The following SSH2 variants were observed in gnomAD, a reference collection of about 807,000 sequenced individuals.
SSH2 encodes the protein protein phosphatase Slingshot homolog 2.
Under a neutral mutation model 135.2 loss-of-function variants are expected in SSH2, and 37 were observed. The observed-to-expected ratio is 0.27, with a 90% CI of 0.21 to 0.36. The LOEUF (loss-of-function observed/expected upper bound fraction) is 0.36. Ranked by LOEUF, SSH2 falls within the 10% of genes least tolerant of loss-of-function variation. The pLI, the probability that SSH2 is intolerant of heterozygous loss-of-function variation, is 1.00. For synonymous variants in SSH2, 628 were observed against 646.2 expected (o/e 0.97, Z 0.43); for missense variants, 1,408 against 1,765.3 (o/e 0.80, Z 3.63).
intron 2 of SSH2, among the ~76,000 whole-genome samples, chr17:29,820,077 G>T (rs2042626681): frequency 6.6e-6 from 1 of 151,860 alleles, no homozygotes; most frequent in Admixed American, 6.6e-5. Context: ...TTTGTTGTTT[G>T]CCATTTTTTC....
chr17:29,740,598 G>A (rs1387385513), intron 3 of SSH2, among the ~76,000 whole-genome samples: 1 of 151,958 alleles, frequency 6.6e-6, no homozygotes, highest in Non-Finnish European at 1.5e-5. Context: ...GATGGAAACT[G>A]GTTCAAGAAT....
chr17:29,706,409 C>T (rs984146457), intron 3 of SSH2, among the ~76,000 whole-genome samples: 3 of 152,140 alleles, frequency 2.0e-5, no homozygotes, highest in Admixed American at 1.3e-4. Context: ...GGTGGTGGTG[C>T]CTTGATTTTA....
chr17:29,722,178 G>A (rs2039843870), intron 3 of SSH2, among the ~76,000 whole-genome samples: 1 of 151,868 alleles, frequency 6.6e-6, no homozygotes, highest in African/African-American at 2.4e-5. Flanking sequence ...GGGAGGCTGA[G>A]GCAGAGAACT....
chr17:29,699,850 G>A (rs751419853), intron 4 of SSH2, among the ~76,000 whole-genome samples: 1 of 152,168 alleles, frequency 6.6e-6, no homozygotes, highest in Non-Finnish European at 1.5e-5. Flanking sequence ...TCCCCTACCC[G>A]ACCTCTGGTA....
intron 3 of SSH2, among the ~76,000 whole-genome samples, chr17:29,728,333 C>T (rs142048124): frequency 7.9e-5 from 12 of 152,172 alleles, no homozygotes; most frequent in South Asian, 2.1e-4. Flanking sequence ...TTAAATACCT[C>T]GGAATTAACC....
intron 2 of SSH2, among the ~76,000 whole-genome samples, chr17:29,798,151 C>T (rs142866633): frequency 1.3e-5 from 2 of 152,226 alleles, no homozygotes; most frequent in African/African-American, 4.8e-5. Flanking sequence ...TGCCTACCCT[C>T]TAGTCATGAA....
At chr17:29,824,999 A>G (rs1290207020) in intron 2 of SSH2, among the ~76,000 whole-genome samples, 1 of 152,184 alleles carries the variant, frequency 6.6e-6, no homozygotes, top group Admixed American at 6.5e-5. Context: ...AATGAAACCA[A>G]CATAGAAAAA....
chr17:29,873,174 A>G (rs757033381), intron 1 of SSH2, among the ~76,000 whole-genome samples: 1 of 152,166 alleles, frequency 6.6e-6, no homozygotes, highest in Non-Finnish European at 1.5e-5. Flanking sequence ...CTTACGGGTT[A>G]CCTAAAAAGC....
chr17:29,796,299 T>C (rs2042154702), intron 2 of SSH2, among the ~76,000 whole-genome samples: 1 of 152,356 alleles, frequency 6.6e-6, no homozygotes, highest in Middle Eastern at 3.4e-3. Context: ...AAAGATCTTA[T>C]AGCGAACTTG....
rs60441523 is a variant in SSH2, at chr17:29,752,852, A to AAC, written c.188+41041_188+41042insGT. On this transcript the variant is annotated intron_variant, in intron 3 of 15. Coordinates refer to ENST00000540801, the MANE Select transcript of SSH2 (RefSeq NM_001282129.2). ...CACTCAAATCACAGAAAAAAAAAAA[A>AAC]CCAAAAAGATCAGTTACACATAAAA... Among the ~76,000 whole-genome samples the AAC allele has an allele frequency of 2.7e-3, 411 of 151,312 alleles. 2 individuals carry two copies. Among genetic ancestry groups the AAC allele is most frequent in the Non-Finnish European group, 3.3e-3 (224 of 67,816 alleles).
At chr17:29,739,100 C>T (rs1163518070) in intron 3 of SSH2, among the ~76,000 whole-genome samples, 2 of 152,280 alleles carry the variant, frequency 1.3e-5, no homozygotes, top group African/African-American at 4.8e-5. Context: ...AATAAGTATA[C>T]ATACTCCCAA....
chr17:29,735,064 G>A (rs1397622346), intron 3 of SSH2, among the ~76,000 whole-genome samples: 1 of 152,180 alleles, frequency 6.6e-6, no homozygotes. Flanking sequence ...AGATTCCTTT[G>A]AGAATCAGAT....
intron 9 of SSH2, among the ~76,000 whole-genome samples, chr17:29,668,306 C>A (rs1282045259): frequency 6.6e-6 from 1 of 152,232 alleles, no homozygotes; most frequent in Non-Finnish European, 1.5e-5. Context: ...ACAGCTAATA[C>A]CTGAGCTGTT....
At chr17:29,723,443 G>A (rs1181083299) in intron 3 of SSH2, among the ~76,000 whole-genome samples, 3 of 152,174 alleles carry the variant, frequency 2.0e-5, no homozygotes, top group South Asian at 4.1e-4. Context: ...CCAGTGTAAC[G>A]CTATATACAC....
At chr17:29,645,588 C>T (rs1011592736) in intron 14 of SSH2, 6 of 152,104 alleles carry the variant, frequency 3.9e-5, no homozygotes, top group African/African-American at 1.2e-4. Context: ...CAGTGGGTCA[C>T]GTGAGGACAC....
intron 1 of SSH2, among the ~76,000 whole-genome samples, chr17:29,914,985 TAC>T (rs1361986979): frequency 1.3e-5 from 2 of 152,198 alleles, no homozygotes; most frequent in African/African-American, 2.4e-5. Context: ...TTACAGTCAA[TAC>T]AGTTTCCTTT....
At chr17:29,702,818 TAA>T in intron 4 of SSH2, 139 bp downstream of exon 4, 3 of 679,720 alleles carry the variant, frequency 4.4e-6, no homozygotes, top group Middle Eastern at 3.8e-4. Context: ...TCTGTGAGGG[TAA>T]AAGTCATTAC....
At chr17:29,815,947 C>T (rs967441794) in intron 2 of SSH2, among the ~76,000 whole-genome samples, 1 of 152,090 alleles carries the variant, frequency 6.6e-6, no homozygotes, top group Admixed American at 6.6e-5. Context: ...CTCCCAAGTT[C>T]AAGCAAATCT....
rs1440902679 is a variant in SSH2 at position 29,865,251 on chromosome 17, T to C, written c.64-16322A>G. Among the ~76,000 whole-genome samples, 6 of 152,358 alleles carry C rather than the reference T, an allele frequency of 3.9e-5. 1 individual carries two copies. On this transcript the variant is annotated intron_variant, in intron 1 of 15. Coordinates refer to ENST00000540801, the MANE Select transcript of SSH2 (RefSeq NM_001282129.2). ...GTAAAGTAATTTCTGCAACTTAAGA[T>C]TGATACAGCACAACAATTAAATCAC...
Sources: allele counts gnomAD v4.1 joint callset (sites outside exome capture counted in the v4.1 genomes callset), GRCh38; gene constraint gnomAD v4.1.1; transcripts MANE v1.5; gene names NCBI Gene and HGNC (gene_info 2026-07-23, HGNC 2026-07-21).